KANSL2: variants seen among roughly 807,000 people sequenced by gnomAD.
KANSL2 encodes NSL complex protein NSL2.
In KANSL2, 34 loss-of-function variants were observed where a neutral mutation model predicts 55.6. The ratio of observed to expected loss-of-function variants is 0.61; its 90% CI spans 0.46 to 0.81. KANSL2 has a LOEUF of 0.81. Among genes scored for constraint, KANSL2 ranks in the 40% least tolerant of loss-of-function variants. The pLI is 0.00. For missense variants in KANSL2, 502 were observed against 609.9 expected (o/e 0.82, Z 1.86); for synonymous variants, 209 against 214.3 (o/e 0.98, Z 0.22).
At chr12:48,660,339 A>T in intron 8 of KANSL2, 27 bp downstream of exon 8, 1 of 1,612,594 alleles carries the variant, frequency 6.2e-7, no homozygotes, top group Non-Finnish European at 8.5e-7. Flanking sequence ...CAAGGGCCTG[A>T]ACCAAAGCAG....
At position 48,679,704 on chromosome 12, in the gene KANSL2, C is replaced by T; in HGVS notation, c.381G>A (p.Leu127=). The T allele has an allele frequency of 1.2e-6, 2 of 1,613,408 alleles. No individual in the cohort carries two copies. The highest frequency in any genetic ancestry group is 1.7e-6 in the Non-Finnish European group (2 of 1,179,676). ...GACTACTTTCTGGAGTCTGAGACCC[C>T]AGCTCTGTCTTAGCATATGAGCTCA... ...CQLSSYAKTE[L]GSQTPESSRS... Residue 127 remains leucine (L), a synonymous_variant, in exon 3 of 10, where the codon CTG becomes CTA. Coordinates refer to ENST00000420613, the MANE Select transcript of KANSL2 (RefSeq NM_017822.4).
intron 4 of KANSL2, 22 bp from the exon 5 acceptor site, chr12:48,671,984 C>T: frequency 6.5e-7 from 1 of 1,536,822 alleles, no homozygotes; most frequent in Non-Finnish European, 8.8e-7. Context: ...CAGAATTCAG[C>T]AAAGCATAAG....
intron 8 of KANSL2, among the ~76,000 whole-genome samples, chr12:48,656,496 A>G (rs937671120): frequency 6.6e-6 from 1 of 151,152 alleles, no homozygotes; most frequent in Non-Finnish European, 1.5e-5. Context: ...GATGGCCTTG[A>G]TCTCCCGACC....
intron 6 of KANSL2, among the ~76,000 whole-genome samples, 189 bp from the exon 7 acceptor site, chr12:48,667,978 A>G (rs1939634300): frequency 6.6e-6 from 1 of 152,244 alleles, no homozygotes; most frequent in South Asian, 2.1e-4. Context: ...AGTCAACCTC[A>G]ATCCCAAATA....
intron 6 of KANSL2, among the ~76,000 whole-genome samples, chr12:48,668,115 AAC>A (rs960442743): frequency 9.9e-5 from 15 of 152,188 alleles, no homozygotes; most frequent in Non-Finnish European, 4.4e-5. Flanking sequence ...CTCTTACTGA[AAC>A]AGAGACCAAG....
intron 8 of KANSL2, among the ~76,000 whole-genome samples, chr12:48,659,223 G>A (rs528270576): frequency 1.3e-5 from 2 of 152,178 alleles, no homozygotes; most frequent in South Asian, 4.1e-4. Context: ...GAACCCTGAA[G>A]GCAGAGGCTG....
intron 8 of KANSL2, among the ~76,000 whole-genome samples, chr12:48,657,286 G>T (rs1034516094): frequency 2.0e-5 from 3 of 151,938 alleles, no homozygotes; most frequent in Non-Finnish European, 4.4e-5. Context: ...TTAGCCAGGC[G>T]TCTTGGCACA....
At chr12:48,656,634 C>T in intron 8 of KANSL2, 2 of 402,362 alleles carry the variant, frequency 5.0e-6, no homozygotes, top group South Asian at 1.9e-5. Context: ...AAAAAAATGA[C>T]ATTACATTCT....
rs565027693 is a variant in KANSL2, at chr12:48,654,130, G to A, written c.1393C>T (p.Arg465Ter). 1.2e-6 allele frequency: 2 copies of A among 1,612,940 alleles called. No homozygotes were observed. Among genetic ancestry groups the A allele is most frequent in the Non-Finnish European group, 1.7e-6 (2 of 1,179,446 alleles). Residue 465 changes from arginine to a stop codon, truncating the protein, a stop_gained, in exon 10 of 10, where the codon CGA (arginine) becomes TGA (stop). Coordinates refer to ENST00000420613, the MANE Select transcript of KANSL2 (RefSeq NM_017822.4). LOFTEE classifies it high-confidence loss of function. ...GGTGCAGAGGCTTTCTCAGAATTTC[G>A]AGATCCCTGGGATCTGCACCCATCT... ...AGDGCRSQGS[R>*]NSEKASAPLS...
intron 4 of KANSL2, among the ~76,000 whole-genome samples, chr12:48,674,573 A>G (rs1234480787): frequency 6.6e-6 from 1 of 152,230 alleles, no homozygotes; most frequent in Non-Finnish European, 1.5e-5. Context: ...ACAAAAGCCA[A>G]TATTACCTGT....
intron 4 of KANSL2, among the ~76,000 whole-genome samples, chr12:48,672,686 A>G (rs1001788818): frequency 6.6e-6 from 1 of 151,912 alleles, no homozygotes; most frequent in Non-Finnish European, 1.5e-5. Context: ...TCAGCCTCAC[A>G]AAGTGCTGGA....
intron 2 of KANSL2, 129 bp from the exon 3 acceptor site, chr12:48,679,962 A>G: frequency 1.2e-6 from 1 of 834,576 alleles, no homozygotes; most frequent in Non-Finnish European, 1.8e-6. Context: ...TAAAAATGCA[A>G]GTCAGAGGAA....
intron 2 of KANSL2, among the ~76,000 whole-genome samples, chr12:48,680,585 TG>T (rs543195426): frequency 7.9e-4 from 121 of 152,340 alleles, no homozygotes; most frequent in Non-Finnish European, 1.4e-3. Flanking sequence ...ATGAAAACTA[TG>T]AAGCCTCTTA....
chr12:48,661,618 G>A (rs995462445), intron 7 of KANSL2, among the ~76,000 whole-genome samples: 3 of 151,804 alleles, frequency 2.0e-5, no homozygotes, highest in Non-Finnish European at 4.4e-5. Flanking sequence ...AAACTTTTAT[G>A]GTAATTTTTT....
chr12:48,681,159 C>A, intron 2 of KANSL2: 1 of 397,670 alleles, frequency 2.5e-6, no homozygotes, highest in Non-Finnish European at 4.4e-6. Flanking sequence ...TTAGAATATG[C>A]CTTTATTTTA....
intron 2 of KANSL2, 146 bp from the exon 3 acceptor site, chr12:48,679,979 T>C (rs539880284): frequency 1.5e-5 from 10 of 689,504 alleles, no homozygotes; most frequent in Admixed American, 2.9e-5. Flanking sequence ...GGAATTTAAC[T>C]GGCCCAAGGT....
At chr12:48,681,922 C>T (rs1454913216) in intron 1 of KANSL2, 3 of 703,260 alleles carry the variant, frequency 4.3e-6, no homozygotes, top group South Asian at 3.0e-5. Flanking sequence ...ACACCAGCCC[C>T]ACGCGGCGGC....
At chr12:48,659,589 C>A (rs935866490) in intron 8 of KANSL2, among the ~76,000 whole-genome samples, 9 of 151,964 alleles carry the variant, frequency 5.9e-5, no homozygotes, top group Non-Finnish European at 1.2e-4. Flanking sequence ...TGCCACTGCA[C>A]TCCAGCCTGA....
At chr12:48,654,668 A>ATG in intron 9 of KANSL2, 1 of 523,776 alleles carries the variant, frequency 1.9e-6, no homozygotes, top group Non-Finnish European at 3.6e-6. Flanking sequence ...AAATAAATGT[A>ATG]TGTCCTACTC....
Sources: gnomAD v4.1 joint callset for allele counts (sites outside exome capture counted in the v4.1 genomes callset) on GRCh38, gnomAD v4.1.1 for gene constraint, MANE v1.5 for transcripts, NCBI Gene and HGNC (gene_info 2026-07-23, HGNC 2026-07-21) for gene names.